The following SH3D19 variants were observed in gnomAD, a reference collection of about 807,000 sequenced individuals.
The protein encoded by SH3D19 is SH3 domain containing 19.
SH3D19 carries 58 observed loss-of-function variants against 112.1 expected under a neutral mutation model. That is an observed-to-expected ratio of 0.52 (90% CI 0.42 to 0.64). The LOEUF is 0.64. Among genes scored for constraint, SH3D19 ranks in the 30% least tolerant of loss-of-function variants. SH3D19 has a pLI of 0.00. For missense variants in SH3D19, 1,090 were observed against 1,263.4 expected, an observed-to-expected ratio of 0.86 and a Z score of 2.08; for synonymous variants, 391 against 448.5, an observed-to-expected ratio of 0.87 and a Z score of 1.62.
chr4:151,185,608 C>T (rs13123932), intron 3 of SH3D19, among the ~76,000 whole-genome samples: 147,130 of 152,304 alleles, frequency 0.97, 71,308 homozygotes, highest in African/African-American at 1. Flanking sequence ...CTCTTCATCT[C>T]ATACCATAGC....
chr4:151,168,576 AGGAATGT>A (rs1758514334), intron 7 of SH3D19, among the ~76,000 whole-genome samples: 1 of 151,966 alleles, frequency 6.6e-6, no homozygotes, highest in Admixed American at 6.6e-5. Context: ...CTGGTACTAC[AGGAATGT>A]GCCACCATGC....
chr4:151,122,992 C>T (rs1748356383), intron 19 of SH3D19, among the ~76,000 whole-genome samples: 1 of 151,870 alleles, frequency 6.6e-6, no homozygotes, highest in South Asian at 2.1e-4. Flanking sequence ...GCTGGGGTTA[C>T]AGGTGCCTGC....
At chr4:151,236,455 G>C (rs1770053190) in intron 1 of SH3D19, among the ~76,000 whole-genome samples, 1 of 152,270 alleles carries the variant, frequency 6.6e-6, no homozygotes, top group African/African-American at 2.4e-5. Context: ...TGGGCTTCTG[G>C]GTCGGGTGGG....
At chr4:151,255,069 G>A (rs1771737452) in intron 1 of SH3D19, among the ~76,000 whole-genome samples, 1 of 148,870 alleles carries the variant, frequency 6.7e-6, no homozygotes, top group Non-Finnish European at 1.5e-5. Flanking sequence ...GGCTGGCCGG[G>A]CGGGGGGCTG....
At chr4:151,194,169 G>A (rs1763064331) in intron 2 of SH3D19, among the ~76,000 whole-genome samples, 1 of 151,654 alleles carries the variant, frequency 6.6e-6, no homozygotes, top group African/African-American at 2.4e-5. Flanking sequence ...TGGATTACAG[G>A]TGCCCGCCAC....
In SH3D19 at chr4:151,120,515, T is replaced by C. The variant is rs1477213496; in HGVS notation, c.*1576A>G. 2 of 152,272 alleles carry C rather than the reference T, an allele frequency of 1.3e-5. No homozygotes were observed. The highest frequency in any genetic ancestry group is 2.9e-5 in the Non-Finnish European group (2 of 68,040). 9.4% of individuals were successfully genotyped at this position (152,272 alleles called of 1,614,324 possible). ...AGTTTGCTGCAAATGATAATTTAAT[T>C]TGGATAATGCTTTAAATCATTGATT... is the stretch of plus-strand genomic sequence containing the variant. On this transcript the variant is annotated 3_prime_UTR_variant, in exon 20 of 20. Transcript: ENST00000604030.
intron 2 of SH3D19, among the ~76,000 whole-genome samples, chr4:151,211,553 C>A (rs192774625): frequency 6.7e-6 from 1 of 148,266 alleles, no homozygotes; most frequent in Non-Finnish European, 1.5e-5. Context: ...CCTCTTCCAC[C>A]ACACATTTAG....
intron 19 of SH3D19, among the ~76,000 whole-genome samples, chr4:151,125,788 C>T (rs1324157043): frequency 9.5e-5 from 13 of 136,770 alleles, no homozygotes; most frequent in South Asian, 4.6e-4. Context: ...GGAGGCAGAC[C>T]GAGATCATGC....
At chr4:151,222,884 C>T (rs955577789) in intron 2 of SH3D19, among the ~76,000 whole-genome samples, 1 of 151,886 alleles carries the variant, frequency 6.6e-6, no homozygotes, top group African/African-American at 2.4e-5. Flanking sequence ...CCAGTCTGGC[C>T]TCGAACTCCT....
In SH3D19 at chr4:151,175,643, A is replaced by G; in HGVS notation, c.561T>C (p.Pro187=). Residue 187 remains proline (P), a synonymous_variant, in exon 7 of 20, where the codon CCT becomes CCC. Coordinates refer to ENST00000604030, the MANE Select transcript of SH3D19 (RefSeq NM_001378122.1). ...TLQAPLKPLQ[P]FSAVSSGNLP... is the part of the protein sequence containing the mutation. ...GATTGCCAGACGAGACTGCTGAGAA[A>G]GGCTGAAGAGGCTTGAGAGGTGCCT... The G allele has an allele frequency of 7.6e-7, 1 of 1,308,190 alleles. No homozygotes were observed. The highest frequency in any genetic ancestry group is 9.7e-7 in the Non-Finnish European group (1 of 1,034,680). The allele number at this position is 1,308,190 out of a possible 1,614,324, so 81.0% of individuals were successfully genotyped here. A position where few individuals can be genotyped will look rare whatever the true frequency, so the allele number is the denominator to read the frequency against.
chr4:151,315,788 CA>C (rs928833215), intron 1 of SH3D19, among the ~76,000 whole-genome samples: 17 of 149,104 alleles, frequency 1.1e-4, no homozygotes, highest in South Asian at 8.5e-4. Context: ...CCCATTTCTA[CA>C]AAAAAAAAGG....
At chr4:151,276,922 C>T (rs1773678797) in intron 1 of SH3D19, among the ~76,000 whole-genome samples, 1 of 152,134 alleles carries the variant, frequency 6.6e-6, no homozygotes, top group African/African-American at 2.4e-5. Context: ...CAGGCAGAAA[C>T]CCCAGAAACC....
intron 3 of SH3D19, among the ~76,000 whole-genome samples, chr4:151,185,975 G>A (rs998564219): frequency 2.6e-5 from 4 of 152,180 alleles, no homozygotes; most frequent in Non-Finnish European, 4.4e-5. Context: ...AGGAGGTGGA[G>A]GTAGCAACGA....
chr4:151,277,223 A>G, intron 1 of SH3D19: 1 of 1,501,840 alleles, frequency 6.7e-7, no homozygotes. Flanking sequence ...TGGGGATCTC[A>G]GGTGAGCGCC....
At position 151,174,785 on chromosome 4, in the gene SH3D19, T is replaced by C; in HGVS notation, c.1419A>G (p.Pro473=). 6 of 1,551,378 alleles carry C rather than the reference T, an allele frequency of 3.9e-6. No homozygotes were observed. The highest frequency in any genetic ancestry group is 5.2e-6 in the Non-Finnish European group (6 of 1,152,296). The change falls in exon 7 of 20, where the codon CCA becomes CCG. Residue 473 remains proline, a synonymous_variant. Coordinates refer to ENST00000604030, the MANE Select transcript of SH3D19 (RefSeq NM_001378122.1). ...GEGPPANPPV[P]VLQSKPLVDI... Reference sequence around the variant, plus strand: ...CCACCAAGGGCTTGCTCTGCAGAACTGGAACTGGGGGGTTGGCTGGGGGCC... The same window carrying C: ...CCACCAAGGGCTTGCTCTGCAGAACCGGAACTGGGGGGTTGGCTGGGGGCC...
At position 151,121,968 on chromosome 4, in the gene SH3D19, T is replaced by G; in HGVS notation, c.*123A>C. On this transcript the variant is annotated 3_prime_UTR_variant, in exon 20 of 20. Transcript: ENST00000604030. ...GTTTTCTGCTTTCAGAAAATTCTAG[T>G]GTACCATGTACAGCTTAGATATTTC... 1.7e-6 allele frequency: 1 copy of G among 572,156 alleles called. No homozygotes were observed. 35.4% of individuals were successfully genotyped at this position (572,156 alleles called of 1,614,324 possible). A position where few individuals can be genotyped will look rare whatever the true frequency, so the allele number is the denominator to read the frequency against.
intron 7 of SH3D19, among the ~76,000 whole-genome samples, chr4:151,167,573 C>CTT (rs1758256979): frequency 6.6e-6 from 1 of 152,156 alleles, no homozygotes. Context: ...ACTTTTATAT[C>CTT]AATTTCTTTG....
In SH3D19 at chr4:151,175,345, C is replaced by G; in HGVS notation, c.859G>C (p.Glu287Gln). 6.2e-7 allele frequency: 1 copy of G among 1,611,314 alleles called. No individual in the cohort carries two copies. The highest frequency in any genetic ancestry group is 8.5e-7 in the Non-Finnish European group (1 of 1,178,732). ...GAAACAATACTATTTTGGCTTTGTT[C>G]TGTGTTCATAATGTTCATCACTGCC... is the stretch of plus-strand genomic sequence containing the variant. ...SQAVMNIMNT[E>Q]QSQNSIVSRI... Residue 287 changes from glutamate to glutamine, a missense_variant, in exon 7 of 20, where the codon GAA becomes CAA. Glu to Gln is a conservative substitution (Grantham distance 29). Coordinates refer to ENST00000604030, the MANE Select transcript of SH3D19 (RefSeq NM_001378122.1).
intron 2 of SH3D19, among the ~76,000 whole-genome samples, chr4:151,225,402 T>A (rs949372082): frequency 2.6e-5 from 4 of 152,218 alleles, no homozygotes; most frequent in Non-Finnish European, 5.9e-5. Context: ...TTGACAAGGA[T>A]TTTTTAATGT....
Sources: gnomAD v4.1 joint callset for allele counts (sites outside exome capture counted in the v4.1 genomes callset) on GRCh38, gnomAD v4.1.1 for gene constraint, MANE v1.5 for transcripts, NCBI Gene and HGNC (gene_info 2026-07-23, HGNC 2026-07-21) for gene names.